The following COL16A1 variants were observed in gnomAD, a reference collection of about 807,000 sequenced individuals.
COL16A1 encodes collagen type XVI alpha 1 chain, also known as collagen alpha-1(XVI) chain.
A neutral mutation model predicts 266.3 loss-of-function variants in COL16A1; 189 were observed. The ratio of observed to expected loss-of-function variants is 0.71; its 90% CI spans 0.63 to 0.80. The LOEUF is 0.80. COL16A1 is among the 30% of genes least tolerant of loss of function. COL16A1 has a pLI of 0.00. For missense variants in COL16A1, 1,928 were observed against 2,122.4 expected, an observed-to-expected ratio of 0.91 and a Z score of 1.80; for synonymous variants, 740 against 782.3, an observed-to-expected ratio of 0.95 and a Z score of 0.90.
rs2148825967 is a variant in COL16A1 at position 31,697,320 on chromosome 1, C to A, written c.658-20G>T. On this transcript the variant is annotated intron_variant, in intron 6 of 70. Transcript: ENST00000373672. The surrounding 1 kb of genome is among the most constrained non-coding windows in gnomAD (Gnocchi z 4.2). ...GTCAAACTGCAGGAGACACACACAT[C>A]AATTTCACTTCATTTTATCAAATAG... The A allele has an allele frequency of 6.3e-7, 1 of 1,590,180 alleles. No homozygotes were observed. The highest frequency in any genetic ancestry group is 8.6e-7 in the Non-Finnish European group (1 of 1,166,768).
rs16834643 is a variant in COL16A1, at chr1:31,653,844, T to C, written c.4534+23A>G. 11,846 of 1,598,108 alleles carry C rather than the reference T, an allele frequency of 7.4e-3. 586 individuals are homozygous for C. The African/African-American group carries it at 0.12, about 16-fold the overall frequency. On this transcript the variant is annotated intron_variant, in intron 69 of 70. Transcript: ENST00000373672. ...GCCCCAAAGAATTACATGTGTCCCTTGGGAACTGTAGGGCAGAGCTACCTC... is the reference window on the plus strand; with the variant it reads ...GCCCCAAAGAATTACATGTGTCCCTCGGGAACTGTAGGGCAGAGCTACCTC...
chr1:31,681,682 G>C (rs1175149058), intron 37 of COL16A1, among the ~76,000 whole-genome samples: 1 of 152,248 alleles, frequency 6.6e-6, no homozygotes, highest in Non-Finnish European at 1.5e-5. Context: ...TTTGGGCAAC[G>C]GCATGGAGTC....
rs753646741 is a variant in COL16A1 at position 31,697,944 on chromosome 1, A to G, written c.619T>C (p.Phe207Leu). 1.2e-6 allele frequency: 2 copies of G among 1,613,152 alleles called. No homozygotes were observed. Among genetic ancestry groups the G allele is most frequent in the South Asian group, 2.2e-5 (2 of 91,062 alleles). The change falls in exon 6 of 71, where the codon TTT becomes CTT. Residue 207 changes from phenylalanine to leucine, a missense_variant. By Grantham distance (22) the Phe-to-Leu change is conservative. Transcript: ENST00000373672. This position sits in a 1 kb window ranked among gnomAD's most constrained non-coding sequence, Gnocchi z 4.2. ...RRPMRPVGHV[F>L]LGLDAEQGKP... ...CCCTGCTCAGCATCCAAGCCTAGAA[A>G]TACATGGCCCACAGGCCTCATGGGT... is the stretch of plus-strand genomic sequence containing the variant.
In COL16A1 at chr1:31,697,169, T is replaced by C; in HGVS notation, c.738+51A>G. 5.0e-6 allele frequency: 8 copies of C among 1,612,480 alleles called. No individual in the cohort carries two copies. The highest frequency in any genetic ancestry group is 6.8e-6 in the Non-Finnish European group (8 of 1,178,972). On this transcript the variant is annotated intron_variant, in intron 7 of 70. Transcript: ENST00000373672. This position sits in a 1 kb window ranked among gnomAD's most constrained non-coding sequence, Gnocchi z 4.2. ...CCTCCAGGCATCACCTTCCAGACCC[T>C]CATCTCCAGCACAGTGTGTCCCTGG...
chr1:31,665,745 T>C, intron 54 of COL16A1, 127 bp from the exon 55 acceptor site: 1 of 1,593,980 alleles, frequency 6.3e-7, no homozygotes. Flanking sequence ...CTGCCCACCA[T>C]GGCTGGCAGG....
chr1:31,696,016 T>A lies in COL16A1; in HGVS notation c.918+72A>T, dbSNP rs1048821556. On this transcript the variant is annotated intron_variant, in intron 9 of 70. Coordinates refer to ENST00000373672, the MANE Select transcript of COL16A1 (RefSeq NM_001856.4). ...AGGAGAGTGGGAGTGGAGCACCTTA[T>A]CCCTGGGGTTTACAGGGGCACAGAG... 9.6e-6 allele frequency: 13 copies of A among 1,353,492 alleles called. No homozygotes were observed. The African/African-American group carries it at 1.6e-4, about 16-fold the overall frequency. 83.8% of individuals were successfully genotyped at this position (1,353,492 alleles called of 1,614,324 possible).
intron 47 of COL16A1, 52 bp from the exon 48 acceptor site, chr1:31,671,711 C>A (rs904046852): frequency 1.2e-6 from 2 of 1,609,670 alleles, no homozygotes; most frequent in African/African-American, 2.7e-5. Flanking sequence ...CCCATAGAGC[C>A]CCTGGGATTC....
chr1:31,686,582 A>G (rs922687121), intron 26 of COL16A1, among the ~76,000 whole-genome samples: 1 of 152,250 alleles, frequency 6.6e-6, no homozygotes, highest in Admixed American at 6.5e-5. Flanking sequence ...TTACAGGCGG[A>G]GCACTGGGCT....
chr1:31,683,322 A>G lies in COL16A1; in HGVS notation c.2415+12T>C. The G allele has an allele frequency of 6.2e-7, 1 of 1,614,194 alleles. No homozygotes were observed. Among genetic ancestry groups the G allele is most frequent in the Non-Finnish European group, 8.5e-7 (1 of 1,180,028 alleles). The stretch of plus-strand genomic sequence containing the variant: ...CCCCTGCTATCCTCCTTCAGGACTC[A>G]GGCAGACGTACCTGAATGCCAGGCA... On this transcript the variant is annotated intron_variant, in intron 35 of 70. Transcript: ENST00000373672.
Position 31,657,168 on chromosome 1 carries a change from C to A in COL16A1, c.4021-100G>T. On this transcript the variant is annotated intron_variant, in intron 64 of 70. Transcript: ENST00000373672. The surrounding 1 kb of genome is among the most constrained non-coding windows in gnomAD (Gnocchi z 6.4). ...GGGCAAGCCCAGCCCCCTGTTCCACCCAGAGGCCACGATCCTCCAGCCCTC... is the reference window on the plus strand; with the variant it reads ...GGGCAAGCCCAGCCCCCTGTTCCACACAGAGGCCACGATCCTCCAGCCCTC... 6.9e-7 allele frequency: 1 copy of A among 1,459,650 alleles called. No individual in the cohort carries two copies. Among genetic ancestry groups the A allele is most frequent in the Non-Finnish European group, 9.6e-7 (1 of 1,042,710 alleles). The allele number at this position is 1,459,650 out of a possible 1,614,324, so 90.4% of individuals were successfully genotyped here. A position where few individuals can be genotyped will look rare whatever the true frequency, so the allele number is the denominator to read the frequency against.
chr1:31,694,726 C>A (rs530210797), intron 11 of COL16A1, among the ~76,000 whole-genome samples: 1 of 152,148 alleles, frequency 6.6e-6, no homozygotes, highest in African/African-American at 2.4e-5. Context: ...CCCTTCTGGA[C>A]CCCCATAGGA....
intron 11 of COL16A1, 80 bp from the exon 12 acceptor site, chr1:31,694,250 C>T (rs1644400376): frequency 8.5e-7 from 1 of 1,180,210 alleles, no homozygotes; most frequent in Non-Finnish European, 1.2e-6. Context: ...GCAATTTAGA[C>T]AGGGTCACAC....
chr1:31,687,710 G>A (rs1644061023), intron 26 of COL16A1, among the ~76,000 whole-genome samples: 1 of 151,972 alleles, frequency 6.6e-6, no homozygotes, highest in Non-Finnish European at 1.5e-5. Flanking sequence ...GCTGATGACT[G>A]AGATGGGGAA....
In COL16A1 at chr1:31,668,079, G is replaced by C; in HGVS notation, c.3303+86C>G. Reference sequence around the variant, plus strand: ...GCCCGGTAATGGGGAGCCCGCCGAGGGTTGCCCAGCCTGGCTGTGTCCTGA... The same window carrying C: ...GCCCGGTAATGGGGAGCCCGCCGAGCGTTGCCCAGCCTGGCTGTGTCCTGA... On this transcript the variant is annotated intron_variant, in intron 51 of 70. Coordinates refer to ENST00000373672, the MANE Select transcript of COL16A1 (RefSeq NM_001856.4). This position sits in a 1 kb window ranked among gnomAD's most constrained non-coding sequence, Gnocchi z 5.8. 1.6e-6 allele frequency: 2 copies of C among 1,245,168 alleles called. No individual in the cohort carries two copies. Among genetic ancestry groups the C allele is most frequent in the South Asian group, 2.6e-5 (2 of 77,562 alleles). The allele number at this position is 1,245,168 out of a possible 1,614,324, so 77.1% of individuals were successfully genotyped here.
intron 68 of COL16A1, among the ~76,000 whole-genome samples, chr1:31,654,410 GCA>G (rs1430153088): frequency 3.9e-5 from 6 of 152,122 alleles, no homozygotes; most frequent in African/African-American, 7.2e-5. Context: ...CCAGTCCCTG[GCA>G]CATCAATGTT....
At chr1:31,683,578 C>A in intron 34 of COL16A1, 129 bp downstream of exon 34, 1 of 1,585,996 alleles carries the variant, frequency 6.3e-7, no homozygotes, top group Non-Finnish European at 8.6e-7. Context: ...CGGCCTGATC[C>A]CTGGTCCCAG....
chr1:31,683,571 C>T (rs755207473), intron 34 of COL16A1, 136 bp downstream of exon 34: 48 of 1,578,900 alleles, frequency 3.0e-5, no homozygotes, highest in Admixed American at 2.9e-4. Flanking sequence ...AGGGCTGCGG[C>T]CTGATCCCTG....
In COL16A1 at chr1:31,698,212, G is replaced by A. The variant is rs1644581398; in HGVS notation, c.391-40C>T. The A allele has an allele frequency of 6.2e-7, 1 of 1,608,288 alleles. No homozygotes were observed. Among genetic ancestry groups the A allele is most frequent in the South Asian group, 1.1e-5 (1 of 90,452 alleles). ...GAAAGGGAAAGGACAGAGATTCAGA[G>A]CTCCAGAGTCACACCATGGGCACGT... On this transcript the variant is annotated intron_variant, in intron 5 of 70. Transcript: ENST00000373672. The surrounding 1 kb of genome is among the most constrained non-coding windows in gnomAD (Gnocchi z 4.1).
At position 31,697,244 on chromosome 1, in the gene COL16A1, G is replaced by A. The variant is rs1390049640; in HGVS notation, c.714C>T (p.Gly238=). The change falls in exon 7 of 71, where the codon GGC becomes GGT. Residue 238 remains glycine (G), a synonymous_variant. Coordinates refer to ENST00000373672, the MANE Select transcript of COL16A1 (RefSeq NM_001856.4). This position sits in a 1 kb window ranked among gnomAD's most constrained non-coding sequence, Gnocchi z 4.2. The stretch of plus-strand genomic sequence containing the variant: ...CCCCTGCTGGTAAAATCTCACAGCA[G>A]CCCTCCTCCAGCACGAGCTCCGGGT... ...YCDPELVLEE[G]CCEILPAGCP... The A allele has an allele frequency of 6.2e-7, 1 of 1,613,036 alleles. No homozygotes were observed. The highest frequency in any genetic ancestry group is 1.3e-5 in the African/African-American group (1 of 74,894).
Sources: allele counts gnomAD v4.1 joint callset (sites outside exome capture counted in the v4.1 genomes callset), GRCh38; gene constraint gnomAD v4.1.1; non-coding constraint Gnocchi (gnomAD v3.1); transcripts MANE v1.5; gene names NCBI Gene and HGNC (gene_info 2026-07-23, HGNC 2026-07-21).